Variants in PREX1 observed in about 807,000 individuals in gnomAD.
PREX1 encodes the protein phosphatidylinositol-3,4,5-trisphosphate dependent Rac exchange factor 1.
A neutral mutation model predicts 198.3 loss-of-function variants in PREX1; 41 were observed. That is an observed-to-expected ratio of 0.21 (90% confidence interval 0.16 to 0.27). The LOEUF (loss-of-function observed/expected upper bound fraction) is 0.27, where lower values mean the gene tolerates loss of function less well. Among genes scored for constraint, PREX1 ranks in the 10% least tolerant of loss-of-function variants. The probability of loss-of-function intolerance (pLI) is 1.00; values close to 1 mark genes in which losing one functional copy is unlikely to be tolerated. For missense variants in PREX1, 1,620 were observed against 2,200.7 expected, an observed-to-expected ratio of 0.74 and a Z score of 5.28; for synonymous variants, 843 against 887.2, an observed-to-expected ratio of 0.95 and a Z score of 0.89.
At chr20:48,830,040 A>G (rs1002212694), upstream of PREX1, among the ~76,000 whole-genome samples, 4 of 152,218 alleles carry the variant, frequency 2.6e-5, no homozygotes, top group East Asian at 7.7e-4. Context: ...ACTAGATGCC[A>G]GTAGCACTCC....
the PREX1 span, among the ~76,000 whole-genome samples, chr20:48,883,710 T>C: frequency 6.6e-6 from 1 of 152,088 alleles, no homozygotes; most frequent in Non-Finnish European, 1.5e-5. Context: ...TGTGAAGACT[T>C]GAAAACACTG....
chr20:48,855,719 C>T, the PREX1 span, among the ~76,000 whole-genome samples: 13 of 152,162 alleles, frequency 8.5e-5, no homozygotes, highest in Non-Finnish European at 1.5e-5. Flanking sequence ...GCCAACATGG[C>T]GAAACCCCAT....
At chr20:48,818,856 C>A (rs1349088522) in intron 1 of PREX1, among the ~76,000 whole-genome samples, 1 of 152,234 alleles carries the variant, frequency 6.6e-6, no homozygotes, top group East Asian at 1.9e-4. Flanking sequence ...AGGCAGCTGC[C>A]TTCACAGCTC....
chr20:48,649,698 T>C (rs2089477982), intron 24 of PREX1, 122 bp from the exon 25 acceptor site: 2 of 1,185,146 alleles, frequency 1.7e-6, no homozygotes, highest in Non-Finnish European at 2.3e-6. Context: ...CCCTTCTAAA[T>C]ACTCTTAATT....
At chr20:48,883,265 G>A in the PREX1 span, among the ~76,000 whole-genome samples, 186 of 152,010 alleles carry the variant, frequency 1.2e-3, 4 homozygotes, top group South Asian at 0.022. Context: ...ACCACAAATA[G>A]AAAGGGCATT....
chr20:48,778,407 C>G (rs2090273184), intron 1 of PREX1, among the ~76,000 whole-genome samples: 1 of 145,432 alleles, frequency 6.9e-6, no homozygotes, highest in Non-Finnish European at 1.5e-5. Context: ...AATCCCGTCT[C>G]TACTAAAAGT....
At chr20:48,646,647 C>T (rs1289327529) in intron 25 of PREX1, among the ~76,000 whole-genome samples, 10 of 149,036 alleles carry the variant, frequency 6.7e-5, no homozygotes, top group Admixed American at 4.7e-4. Context: ...CAAGATCGCA[C>T]CACTGCACAG....
chr20:48,754,519 T>C (rs1042826324), intron 1 of PREX1, among the ~76,000 whole-genome samples: 2 of 151,728 alleles, frequency 1.3e-5, no homozygotes, highest in Non-Finnish European at 2.9e-5. Flanking sequence ...TCCCTGGAGA[T>C]AAAAAGGACA....
At chr20:48,779,663 T>C (rs6066856) in intron 1 of PREX1, among the ~76,000 whole-genome samples, 96,690 of 151,670 alleles carry the variant, frequency 0.64, 31,900 homozygotes, top group African/African-American at 0.82. Context: ...TACTACTCGG[T>C]AATGAAAAGG....
At chr20:48,675,114 A>T (rs1271406472) in intron 14 of PREX1, among the ~76,000 whole-genome samples, 1 of 152,216 alleles carries the variant, frequency 6.6e-6, no homozygotes, top group South Asian at 2.1e-4. Context: ...TTGAAATGTG[A>T]TCCCCAATGC....
At chr20:48,758,889 A>G (rs1482263331) in intron 1 of PREX1, among the ~76,000 whole-genome samples, 1 of 152,106 alleles carries the variant, frequency 6.6e-6, no homozygotes, top group Non-Finnish European at 1.5e-5. Context: ...TTATCAGTCT[A>G]TTATCCATCT....
At chr20:48,814,584 C>G (rs184964933) in intron 1 of PREX1, among the ~76,000 whole-genome samples, 1 of 152,114 alleles carries the variant, frequency 6.6e-6, no homozygotes. Flanking sequence ...GGGGCCTGGA[C>G]AGAATGAACA....
chr20:48,632,933 T>C (rs1274931476), intron 33 of PREX1, among the ~76,000 whole-genome samples: 1 of 152,246 alleles, frequency 6.6e-6, no homozygotes, highest in Non-Finnish European at 1.5e-5. Context: ...TTGAACCTGA[T>C]GCGGACTCTG....
At position 48,637,385 on chromosome 20, in the gene PREX1, C is replaced by T. The variant is rs557905050; in HGVS notation, c.3946+326G>A. 3.9e-5 allele frequency among the ~76,000 whole-genome samples: 6 copies of T among 152,376 alleles called. No homozygotes were observed. The South Asian group carries it at 1.2e-3, about 32-fold the overall frequency. On this transcript the variant is annotated intron_variant, in intron 31 of 39. Coordinates refer to ENST00000371941, the MANE Select transcript of PREX1 (RefSeq NM_020820.4). ...CTCCCGCTACCTCCTCCCCCTTCCT[C>T]TTCCCCACTCTCTGCTGGGTGGAAG...
At chr20:48,682,738 C>T (rs564602195) in intron 10 of PREX1, among the ~76,000 whole-genome samples, 1 of 152,292 alleles carries the variant, frequency 6.6e-6, no homozygotes, top group East Asian at 1.9e-4. Context: ...GCTTCTCAGG[C>T]TCAGCCCAGA....
chr20:48,737,563 G>C (rs2090062616), intron 3 of PREX1, among the ~76,000 whole-genome samples: 1 of 152,190 alleles, frequency 6.6e-6, no homozygotes, highest in Non-Finnish European at 1.5e-5. Context: ...CCTCAGACCA[G>C]CTCTGTGCTT....
the PREX1 span, among the ~76,000 whole-genome samples, chr20:48,885,821 C>T: frequency 2.0e-5 from 3 of 152,114 alleles, no homozygotes; most frequent in Admixed American, 2.0e-4. Context: ...AAGGCTACAT[C>T]CTGTCTGATT....
At chr20:48,679,629 C>A in intron 12 of PREX1, 22 bp downstream of exon 12, 3 of 1,570,622 alleles carry the variant, frequency 1.9e-6, no homozygotes, top group South Asian at 2.2e-5. Flanking sequence ...GAGTCAGAGT[C>A]ACAGGGGCGG....
At chr20:48,653,297 C>G in intron 20 of PREX1, 64 bp downstream of exon 20, 2 of 1,583,764 alleles carry the variant, frequency 1.3e-6, no homozygotes, top group Admixed American at 3.4e-5. Flanking sequence ...GAGAGGACAG[C>G]CCTCAGCCAC....
Sources: allele counts gnomAD v4.1 joint callset (sites outside exome capture counted in the v4.1 genomes callset), GRCh38; gene constraint gnomAD v4.1.1; transcripts MANE v1.5; gene names NCBI Gene and HGNC (gene_info 2026-07-23, HGNC 2026-07-21).